Variants in SLC39A11 observed in about 807,000 individuals in gnomAD.
The protein encoded by SLC39A11 is solute carrier family 39 member 11.
Under a neutral mutation model 36.1 loss-of-function variants are expected in SLC39A11, and 33 were observed. That is an observed-to-expected ratio of 0.91 (90% CI 0.69 to 1.22). The LOEUF is 1.22. SLC39A11 is among the 50% of genes most tolerant of loss of function. The pLI, the probability that SLC39A11 is intolerant of heterozygous loss-of-function variation, is 0.00. For missense variants in SLC39A11, 432 were observed against 430.3 expected (o/e 1.00, Z -0.03); for synonymous variants, 166 against 170.3 (o/e 0.97, Z 0.20).
chr17:73,056,302 G>A (rs993784377), intron 3 of SLC39A11, among the ~76,000 whole-genome samples: 2 of 152,200 alleles, frequency 1.3e-5, no homozygotes, highest in African/African-American at 4.8e-5. Flanking sequence ...CCGAGTAGCT[G>A]GGACTATAGG....
chr17:72,888,530 G>C (rs542646245), intron 5 of SLC39A11, among the ~76,000 whole-genome samples: 31 of 152,250 alleles, frequency 2.0e-4, no homozygotes, highest in African/African-American at 7.0e-4. Flanking sequence ...AAACATTTTA[G>C]AAGGCATGAT....
chr17:72,733,383 T>C (rs1157227078), intron 7 of SLC39A11, among the ~76,000 whole-genome samples: 1 of 152,208 alleles, frequency 6.6e-6, no homozygotes, highest in Non-Finnish European at 1.5e-5. Flanking sequence ...AAATTGTGTT[T>C]TCTGCAATGA....
intron 5 of SLC39A11, among the ~76,000 whole-genome samples, chr17:72,914,867 C>CATAAATAAATAA (rs374560040): frequency 6.7e-6 from 1 of 149,330 alleles, no homozygotes; most frequent in African/African-American, 2.4e-5. Flanking sequence ...GACTCTGTCT[C>CATAAATAAATAA]ATAAATAAAT....
chr17:73,020,305 T>A (rs1488453967), intron 4 of SLC39A11, among the ~76,000 whole-genome samples: 1 of 152,204 alleles, frequency 6.6e-6, no homozygotes, highest in African/African-American at 2.4e-5. Context: ...ATAGGATTAG[T>A]GTCCTTGTAA....
intron 4 of SLC39A11, among the ~76,000 whole-genome samples, chr17:73,025,005 C>T (rs1024248081): frequency 3.3e-5 from 5 of 151,642 alleles, no homozygotes; most frequent in Non-Finnish European, 5.9e-5. Flanking sequence ...CATGAGCTAC[C>T]GCGCCTGGCC....
intron 5 of SLC39A11, among the ~76,000 whole-genome samples, chr17:72,880,624 G>A (rs895431405): frequency 6.7e-6 from 1 of 149,732 alleles, no homozygotes; most frequent in African/African-American, 2.5e-5. Flanking sequence ...GGGAAAAATT[G>A]GGAGAGGGGA....
chr17:72,886,815 C>T (rs575459057), intron 5 of SLC39A11, among the ~76,000 whole-genome samples: 71 of 152,342 alleles, frequency 4.7e-4, no homozygotes, highest in African/African-American at 1.7e-3. Flanking sequence ...GGCCTTCTCA[C>T]GAATGCTCCC....
At chr17:72,656,327 T>C (rs371742127) in intron 7 of SLC39A11, among the ~76,000 whole-genome samples, 23 of 152,258 alleles carry the variant, frequency 1.5e-4, no homozygotes, top group Non-Finnish European at 1.5e-4. Context: ...TGAAGGGCTC[T>C]TTTAGAAAAG....
At chr17:72,847,133 T>G (rs2079086186) in intron 6 of SLC39A11, among the ~76,000 whole-genome samples, 1 of 152,188 alleles carries the variant, frequency 6.6e-6, no homozygotes. Flanking sequence ...TCAGATGCTG[T>G]GGCTCATGCC....
At chr17:72,674,606 T>A (rs1220420180) in intron 7 of SLC39A11, among the ~76,000 whole-genome samples, 2 of 152,244 alleles carry the variant, frequency 1.3e-5, no homozygotes, top group African/African-American at 2.4e-5. Flanking sequence ...TGTACTTTTA[T>A]TAGATATTGC....
intron 5 of SLC39A11, among the ~76,000 whole-genome samples, chr17:72,880,448 T>C (rs1032376838): frequency 5.3e-5 from 8 of 152,036 alleles, no homozygotes; most frequent in Non-Finnish European, 1.2e-4. Context: ...GGTGCATGCC[T>C]GTGGTCACAG....
chr17:72,740,266 C>G (rs573097862), intron 6 of SLC39A11, among the ~76,000 whole-genome samples: 1 of 151,704 alleles, frequency 6.6e-6, no homozygotes, highest in Non-Finnish European at 1.5e-5. Context: ...GGTTTCACAC[C>G]GTGTTAGCCA....
intron 6 of SLC39A11, among the ~76,000 whole-genome samples, chr17:72,825,829 G>C (rs568224406): frequency 1.3e-5 from 2 of 152,302 alleles, no homozygotes; most frequent in East Asian, 3.9e-4. Context: ...TTTGGAATGG[G>C]GAGTATTTAG....
In SLC39A11 at chr17:72,947,726, C is replaced by T. The variant is rs371956364; in HGVS notation, c.430+26G>A. On this transcript the variant is annotated intron_variant, in intron 5 of 9. Coordinates refer to ENST00000255559, the MANE Select transcript of SLC39A11 (RefSeq NM_139177.4). Reference sequence around the variant, plus strand: ...TCAGCTCAGTGTCTGCAGCAAAGAGCTTGCCTGAAAGAAGCCCAGCTCTAC... The same window carrying T: ...TCAGCTCAGTGTCTGCAGCAAAGAGTTTGCCTGAAAGAAGCCCAGCTCTAC... The T allele has an allele frequency of 3.6e-4, 578 of 1,613,306 alleles. 4 individuals carry two copies. Among genetic ancestry groups the T allele is most frequent in the South Asian group, 1.8e-3 (167 of 91,056 alleles).
At chr17:72,679,389 T>C (rs1261920399) in intron 7 of SLC39A11, among the ~76,000 whole-genome samples, 3 of 152,158 alleles carry the variant, frequency 2.0e-5, no homozygotes, top group Non-Finnish European at 4.4e-5. Flanking sequence ...AGACAACAAT[T>C]ACCTATCAAT....
chr17:72,648,582 A>T (rs2069689702), intron 9 of SLC39A11, among the ~76,000 whole-genome samples: 1 of 152,116 alleles, frequency 6.6e-6, no homozygotes, highest in Admixed American at 6.5e-5. Context: ...TGTGTATGCC[A>T]CTGCCTGGTG....
At chr17:72,883,740 T>C (rs753898054) in intron 5 of SLC39A11, among the ~76,000 whole-genome samples, 3 of 152,206 alleles carry the variant, frequency 2.0e-5, no homozygotes, top group Admixed American at 6.5e-5. Flanking sequence ...ATGGCTATTA[T>C]ACACACCTCC....
chr17:72,911,568 C>T lies in SLC39A11; in HGVS notation c.430+36184G>A, dbSNP rs1161162948. 3.3e-5 allele frequency among the ~76,000 whole-genome samples: 5 copies of T among 152,206 alleles called. No homozygotes were observed. The South Asian group carries it at 8.3e-4, about 25-fold the overall frequency. ...CCTGTCAGCCTCCTCGTTCTCCTTC[C>T]GCTCGCCCAGGCAATCTTCTGTCCT... is the stretch of plus-strand genomic sequence containing the variant. On this transcript the variant is annotated intron_variant, in intron 5 of 9. Transcript: ENST00000255559.
At chr17:73,002,376 C>T (rs1415103029) in intron 4 of SLC39A11, among the ~76,000 whole-genome samples, 1 of 152,174 alleles carries the variant, frequency 6.6e-6, no homozygotes, top group Non-Finnish European at 1.5e-5. Context: ...CATCTGATCT[C>T]AGTCGGTGGG....
Sources: gnomAD v4.1 joint callset for allele counts (sites outside exome capture counted in the v4.1 genomes callset) on GRCh38, gnomAD v4.1.1 for gene constraint, MANE v1.5 for transcripts, NCBI Gene and HGNC (gene_info 2026-07-23, HGNC 2026-07-21) for gene names.